DGKD: variants seen among roughly 807,000 people sequenced by gnomAD.
DGKD encodes DAG kinase delta.
DGKD carries 68 observed loss-of-function variants against 154.4 expected under a neutral mutation model. The ratio of observed to expected loss-of-function variants is 0.44; its 90% CI spans 0.36 to 0.54. The LOEUF (loss-of-function observed/expected upper bound fraction) is 0.54. DGKD is among the 20% of genes least tolerant of loss of function. The pLI, the probability that DGKD is intolerant of heterozygous loss-of-function variation, is 0.00. For missense variants in DGKD, 1,343 were observed against 1,593.6 expected (o/e 0.84, Z 2.68); for synonymous variants, 693 against 638.0 (o/e 1.09, Z -1.30).
intron 1 of DGKD, among the ~76,000 whole-genome samples, chr2:233,373,615 G>A (rs923077871): frequency 4.6e-5 from 7 of 152,146 alleles, no homozygotes; most frequent in African/African-American, 1.2e-4. Context: ...ATACAAAAGG[G>A]CATGCTTGTG....
chr2:233,422,045 TAA>T (rs759798646), intron 3 of DGKD, among the ~76,000 whole-genome samples: 18 of 152,182 alleles, frequency 1.2e-4, no homozygotes, highest in Non-Finnish European at 2.5e-4. Flanking sequence ...TGAGGCCCCC[TAA>T]GTGTGTAGTA....
chr2:233,469,081 GTGGCTCTCATGAGGTCAC>G (rs2063919460), intron 29 of DGKD, among the ~76,000 whole-genome samples: 1 of 152,244 alleles, frequency 6.6e-6, no homozygotes, highest in Admixed American at 6.5e-5. Context: ...GTCCTGGACA[GTGGCTCTCATGAGGTCAC>G]TTGTCATCCA....
In DGKD at chr2:233,449,366, C is replaced by A; in HGVS notation, c.1878C>A (p.His626Gln). 6.3e-7 allele frequency: 1 copy of A among 1,595,532 alleles called. No homozygotes were observed. The highest frequency in any genetic ancestry group is 8.6e-7 in the Non-Finnish European group (1 of 1,164,746). ...AAGCAATTCGTCAGATCATAGAACA[C>A]ACAGAAAAAGGTAACTGGCCTTGTG... Reference protein sequence around the residue: ...LKKAIRQIIEHTEKAVDEQNA... With the variant: ...LKKAIRQIIEQTEKAVDEQNA... The change falls in exon 15 of 30, where the codon CAC (histidine) becomes CAA (glutamine). Residue 626 changes from histidine to glutamine, a missense_variant. His to Gln is a conservative substitution (Grantham distance 24, BLOSUM62 0). Around this residue, in one of 6 missense-constraint regions of DGKD, gnomAD observed 409 missense variants for 446.0 expected, o/e 0.92. Coordinates refer to ENST00000264057, the MANE Select transcript of DGKD (RefSeq NM_152879.3). The surrounding 1 kb of genome is among the most constrained non-coding windows in gnomAD (Gnocchi z 5.3).
At chr2:233,423,888 C>T (rs1331902312) in intron 3 of DGKD, among the ~76,000 whole-genome samples, 3 of 152,060 alleles carry the variant, frequency 2.0e-5, no homozygotes, top group African/African-American at 4.8e-5. Context: ...AAAAAGAAAA[C>T]CCAGAGGGCC....
chr2:233,373,982 TAC>T (rs1702448151), intron 1 of DGKD, among the ~76,000 whole-genome samples: 2 of 152,178 alleles, frequency 1.3e-5, no homozygotes, highest in African/African-American at 4.8e-5. Flanking sequence ...GAATAATTTG[TAC>T]ATCATGTAAC....
intron 1 of DGKD, chr2:233,386,098 C>A: frequency 2.4e-6 from 1 of 417,822 alleles, no homozygotes; most frequent in South Asian, 1.7e-5. Flanking sequence ...AAAAAATACT[C>A]CAGCATCTGT....
intron 10 of DGKD, among the ~76,000 whole-genome samples, chr2:233,443,692 G>A (rs965317343): frequency 4.6e-5 from 7 of 152,236 alleles, no homozygotes; most frequent in African/African-American, 1.7e-4. Context: ...AGCTCGGGCC[G>A]TGAGGCCAGT....
At chr2:233,425,174 A>C (rs1363912964) in intron 3 of DGKD, among the ~76,000 whole-genome samples, 1 of 151,912 alleles carries the variant, frequency 6.6e-6, no homozygotes, top group Non-Finnish European at 1.5e-5. Context: ...TATAAACGTA[A>C]GACTTTATTT....
At chr2:233,435,611 G>A (rs2062663601) in intron 5 of DGKD, among the ~76,000 whole-genome samples, 1 of 152,326 alleles carries the variant, frequency 6.6e-6, no homozygotes, top group South Asian at 2.1e-4. Context: ...GTTACAGAAA[G>A]CTTACTGATC....
chr2:233,356,685 A>G (rs926045996), intron 1 of DGKD, among the ~76,000 whole-genome samples: 33 of 152,294 alleles, frequency 2.2e-4, no homozygotes, highest in South Asian at 8.3e-4. Flanking sequence ...ACTGTTAAAA[A>G]TACACCCCGA....
chr2:233,365,626 A>G (rs1336765185), intron 1 of DGKD, among the ~76,000 whole-genome samples: 1 of 152,252 alleles, frequency 6.6e-6, no homozygotes, highest in Non-Finnish European at 1.5e-5. Context: ...TCCAATGCAC[A>G]GGCACATTTG....
At chr2:233,368,981 G>T (rs961003351) in intron 1 of DGKD, among the ~76,000 whole-genome samples, 1 of 152,218 alleles carries the variant, frequency 6.6e-6, no homozygotes, top group East Asian at 1.9e-4. Flanking sequence ...GTCCTGGGAC[G>T]AGAGTGCCTA....
At chr2:233,429,078 A>T in intron 3 of DGKD, 1 of 981,814 alleles carries the variant, frequency 1.0e-6, no homozygotes, top group Non-Finnish European at 1.2e-6. Flanking sequence ...CCCAATACCC[A>T]CAAAGCAATT....
At chr2:233,460,479 C>A (rs2063594112) in intron 24 of DGKD, 134 bp downstream of exon 24, 1 of 1,173,552 alleles carries the variant, frequency 8.5e-7, no homozygotes, top group Non-Finnish European at 1.2e-6. Flanking sequence ...GAGGGCCGAG[C>A]CTGTTTATGT....
Position 233,459,856 on chromosome 2 carries a change from C to T in DGKD, c.2794C>T (p.His932Tyr). Reference sequence around the variant, plus strand: ...GCCGCCAGGGTACATTCGGATTGTCCACAAGAACCGGGCACAGACACTGAC... The same window carrying T: ...GCCGCCAGGGTACATTCGGATTGTCTACAAGAACCGGGCACAGACACTGAC... ...VQPPGYIRIVHKNRAQTLTRD... is the reference protein window; with the variant it reads ...VQPPGYIRIVYKNRAQTLTRD... Residue 932 changes from histidine (H) to tyrosine (Y), a missense_variant, in exon 23 of 30, where the codon CAC becomes TAC. His to Tyr is a moderately conservative substitution (Grantham distance 83). Coordinates refer to ENST00000264057, the MANE Select transcript of DGKD (RefSeq NM_152879.3). The surrounding 1 kb of genome is among the most constrained non-coding windows in gnomAD (Gnocchi z 5.7). 2.5e-6 allele frequency: 4 copies of T among 1,614,038 alleles called. No individual in the cohort carries two copies. The highest frequency in any genetic ancestry group is 1.3e-5 in the African/African-American group (1 of 75,014).
chr2:233,410,535 C>T (rs1385167543), intron 3 of DGKD, among the ~76,000 whole-genome samples: 3 of 152,058 alleles, frequency 2.0e-5, no homozygotes, highest in Non-Finnish European at 2.9e-5. Context: ...TTCCCAAATC[C>T]CTAAGTGCTG....
At chr2:233,381,972 G>C (rs1366866896) in intron 1 of DGKD, among the ~76,000 whole-genome samples, 1 of 152,214 alleles carries the variant, frequency 6.6e-6, no homozygotes, top group Non-Finnish European at 1.5e-5. Flanking sequence ...GGTGGCTCAC[G>C]CCTGTGATCC....
chr2:233,406,701 G>A (rs2061694369), intron 3 of DGKD, among the ~76,000 whole-genome samples: 1 of 152,172 alleles, frequency 6.6e-6, no homozygotes, highest in Non-Finnish European at 1.5e-5. Flanking sequence ...TTCTGAGAAG[G>A]AGTTCATAGG....
At chr2:233,461,695 C>T (rs1217889437) in intron 24 of DGKD, among the ~76,000 whole-genome samples, 1 of 152,250 alleles carries the variant, frequency 6.6e-6, no homozygotes, top group Non-Finnish European at 1.5e-5. Flanking sequence ...CTGGAAGGTG[C>T]ACTTGCACAG....
Sources: allele counts gnomAD v4.1 joint callset (sites outside exome capture counted in the v4.1 genomes callset), GRCh38; gene constraint gnomAD v4.1.1; regional missense constraint gnomAD v4.1.1; non-coding constraint Gnocchi (gnomAD v3.1); transcripts MANE v1.5; gene names NCBI Gene and HGNC (gene_info 2026-07-23, HGNC 2026-07-21).